Variants in ADAMTS6 observed in about 807,000 individuals in gnomAD.
ADAMTS6 encodes ADAM metallopeptidase with thrombospondin type 1 motif 6.
A neutral mutation model predicts 144.3 loss-of-function variants in ADAMTS6; 23 were observed. That is an observed-to-expected ratio of 0.16 (90% CI 0.11 to 0.23). The LOEUF (loss-of-function observed/expected upper bound fraction) is 0.23, where lower values mean the gene tolerates loss of function less well. Among genes scored for constraint, ADAMTS6 ranks in the 10% least tolerant of loss-of-function variants. ADAMTS6 has a pLI of 1.00. For synonymous variants in ADAMTS6, 444 were observed against 457.5 expected (o/e 0.97, Z 0.38); for missense variants, 999 against 1,379.6 (o/e 0.72, Z 4.37).
chr5:65,260,424 C>G (rs186226919), intron 14 of ADAMTS6, among the ~76,000 whole-genome samples, 176 bp downstream of exon 14: 155 of 152,144 alleles, frequency 1.0e-3, no homozygotes, highest in African/African-American at 3.6e-3. Context: ...CCCCTTGACC[C>G]TTATTAATGG....
At position 65,471,152 on chromosome 5, in the gene ADAMTS6, C is replaced by A; in HGVS notation, c.98-10G>T. 6.4e-7 allele frequency: 1 copy of A among 1,567,320 alleles called. No individual in the cohort carries two copies. Among genetic ancestry groups the A allele is most frequent in the South Asian group, 1.2e-5 (1 of 80,756 alleles). On this transcript the variant is annotated splice_polypyrimidine_tract_variant and intron_variant, in intron 2 of 24. Coordinates refer to ENST00000381055, the MANE Select transcript of ADAMTS6 (RefSeq NM_197941.4). ...TAAGTCAGGAATTCCTCTTTGTAAT[C>A]ACAAGGCAGAGAATCCAGAAAAAAA...
intron 3 of ADAMTS6, among the ~76,000 whole-genome samples, chr5:65,468,732 CCTT>C (rs1760215296): frequency 6.6e-6 from 1 of 152,160 alleles, no homozygotes; most frequent in Non-Finnish European, 1.5e-5. Flanking sequence ...TTTGTCATCT[CCTT>C]CATTGTAGAA....
intron 9 of ADAMTS6, among the ~76,000 whole-genome samples, chr5:65,320,550 C>T (rs1745510586): frequency 6.6e-6 from 1 of 151,060 alleles, no homozygotes. Context: ...ATTTTATTTT[C>T]TCTCTTTTTT....
In ADAMTS6 at chr5:65,424,107, T is replaced by G. The variant is rs143377775; in HGVS notation, c.1073+27368A>C. Among the ~76,000 whole-genome samples the G allele has an allele frequency of 2.7e-3, 415 of 152,338 alleles. 2 individuals are homozygous for G. The highest frequency in any genetic ancestry group is 9.5e-3 in the African/African-American group (396 of 41,582). On this transcript the variant is annotated intron_variant, in intron 7 of 24. Transcript: ENST00000381055. ...AAGAGGTCAAATTTATTCTCCAGGC[T>G]GCGACTACTTTTTCTTTTCTTTTTC...
At chr5:65,364,708 A>C (rs1207591259) in intron 7 of ADAMTS6, among the ~76,000 whole-genome samples, 1 of 151,462 alleles carries the variant, frequency 6.6e-6, no homozygotes, top group Non-Finnish European at 1.5e-5. Flanking sequence ...CTGGGACTAC[A>C]GGCGCCCGTC....
rs1260916001 is a variant in ADAMTS6, at chr5:65,226,126, T to C, written c.2027A>G (p.Asn676Ser). ...APAVIDGTQC[N>S]ADSLDICING... ...GATGCAGATATCCAGTGAATCCGCA[T>C]TGCACTGGGTCCCATCGATCACCGC... The change falls in exon 16 of 25, where the codon AAT becomes AGT. Residue 676 changes from asparagine (N) to serine (S), a missense_variant. Transcript: ENST00000381055. 2 of 1,613,362 alleles carry C rather than the reference T, an allele frequency of 1.2e-6. No individual in the cohort carries two copies. Among genetic ancestry groups the C allele is most frequent in the East Asian group, 2.2e-5 (1 of 44,856 alleles).
chr5:65,448,251 C>T (rs979755631), intron 7 of ADAMTS6, among the ~76,000 whole-genome samples: 1 of 151,944 alleles, frequency 6.6e-6, no homozygotes, highest in Non-Finnish European at 1.5e-5. Context: ...GATCTGATAG[C>T]TTTGCGGATC....
chr5:65,464,315 T>C (rs1759838452), intron 3 of ADAMTS6, among the ~76,000 whole-genome samples: 1 of 152,186 alleles, frequency 6.6e-6, no homozygotes, highest in African/African-American at 2.4e-5. Flanking sequence ...ATTTTTAAAA[T>C]ATAATACATA....
chr5:65,473,474 A>G (rs1280083145), intron 2 of ADAMTS6, 103 bp downstream of exon 2: 19 of 967,974 alleles, frequency 2.0e-5, no homozygotes, highest in East Asian at 1.4e-4. Flanking sequence ...TCCTATCACT[A>G]CATATCCCAA....
chr5:65,272,311 AGAG>A (rs1367830186), intron 12 of ADAMTS6, among the ~76,000 whole-genome samples: 1 of 152,204 alleles, frequency 6.6e-6, no homozygotes, highest in African/African-American at 2.4e-5. Context: ...TAAAATTTTA[AGAG>A]TAGTACACAA....
chr5:65,368,881 C>T (rs1750556573), intron 7 of ADAMTS6, among the ~76,000 whole-genome samples: 1 of 152,184 alleles, frequency 6.6e-6, no homozygotes, highest in African/African-American at 2.4e-5. Flanking sequence ...ATGGTGAAAC[C>T]CCGTCTATAC....
intron 14 of ADAMTS6, among the ~76,000 whole-genome samples, chr5:65,254,860 CACT>C (rs1432503157): frequency 6.6e-6 from 1 of 152,176 alleles, no homozygotes; most frequent in African/African-American, 2.4e-5. Flanking sequence ...CAAACCAACT[CACT>C]ACTGACAAGA....
At chr5:65,160,295 C>T (rs1474285099) in intron 24 of ADAMTS6, among the ~76,000 whole-genome samples, 1 of 151,564 alleles carries the variant, frequency 6.6e-6, no homozygotes, top group Non-Finnish European at 1.5e-5. Context: ...AGAAACTGCT[C>T]CTTCTCCGAC....
rs1292096086 is a variant in ADAMTS6 at position 65,481,871 on chromosome 5, T to C, written c.-808A>G. ...ACTACCGGCCCCCAGCCAACTTGAA[T>C]TGCAGCAGGAGAAAATTTTGGCAGC... is the stretch of plus-strand genomic sequence containing the variant. On this transcript the variant is annotated 5_prime_UTR_variant, in exon 1 of 25. Transcript: ENST00000381055. 1.3e-5 allele frequency: 2 copies of C among 152,350 alleles called. No homozygotes were observed. The highest frequency in any genetic ancestry group is 4.8e-5 in the African/African-American group (2 of 41,432). 9.4% of individuals were successfully genotyped at this position (152,350 alleles called of 1,614,324 possible).
At chr5:65,237,230 A>C (rs7720889) in intron 15 of ADAMTS6, among the ~76,000 whole-genome samples, 90,667 of 151,430 alleles carry the variant, frequency 0.6, 28,682 homozygotes, top group African/African-American at 0.82. Flanking sequence ...GTAGTCTCTA[A>C]TAAAAATAAA....
chr5:65,263,785 T>C (rs1247135730), intron 12 of ADAMTS6, among the ~76,000 whole-genome samples: 2 of 152,242 alleles, frequency 1.3e-5, no homozygotes, highest in African/African-American at 2.4e-5. Flanking sequence ...CTTTTGTTGA[T>C]GCATTTTTCA....
intron 7 of ADAMTS6, among the ~76,000 whole-genome samples, chr5:65,391,428 ACAC>A (rs1421422814): frequency 6.7e-6 from 1 of 150,248 alleles, no homozygotes; most frequent in Non-Finnish European, 1.5e-5. Context: ...CTACACACAC[ACAC>A]ACACACACAC....
chr5:65,421,162 T>C (rs1357654846), intron 7 of ADAMTS6, among the ~76,000 whole-genome samples: 1 of 152,250 alleles, frequency 6.6e-6, no homozygotes, highest in Admixed American at 6.5e-5. Flanking sequence ...TTAGAGTCTC[T>C]GTGAGTTTTA....
chr5:65,232,542 C>A (rs1463452096), intron 15 of ADAMTS6, among the ~76,000 whole-genome samples: 2 of 151,580 alleles, frequency 1.3e-5, no homozygotes, highest in African/African-American at 4.8e-5. Flanking sequence ...CACAGAAATG[C>A]AAAGGACCAT....
Sources: allele counts gnomAD v4.1 joint callset (sites outside exome capture counted in the v4.1 genomes callset), GRCh38; gene constraint gnomAD v4.1.1; transcripts MANE v1.5; gene names NCBI Gene and HGNC (gene_info 2026-07-23, HGNC 2026-07-21).